Variants in SGCG observed in about 807,000 individuals in gnomAD.
SGCG encodes the protein gamma-sarcoglycan.
In SGCG, 26 loss-of-function variants were observed where a neutral mutation model predicts 29.3. That is an observed-to-expected ratio of 0.89 (90% CI 0.65 to 1.23). The LOEUF is 1.23. Among genes scored for constraint, SGCG ranks in the 50% most tolerant of loss-of-function variants. The pLI, the probability that SGCG is intolerant of heterozygous loss-of-function variation, is 0.00. For synonymous variants in SGCG, 145 were observed against 129.7 expected (o/e 1.12, Z -0.80); for missense variants, 353 against 356.0 (o/e 0.99, Z 0.07).
chr13:23,232,506 C>T (rs922487005), intron 2 of SGCG, among the ~76,000 whole-genome samples: 1 of 152,150 alleles, frequency 6.6e-6, no homozygotes, highest in African/African-American at 2.4e-5. Flanking sequence ...AAGATCAAAG[C>T]TCAACTGGTT....
In SGCG at chr13:23,314,381, G is replaced by GTT. The variant is rs1395675020; in HGVS notation, c.579-6255_579-6254dup. ...TTAAATGAAATGATGTCTGCTATAG[G>GTT]TTATATATATATATATATATATATA... On this transcript the variant is annotated intron_variant, in intron 6 of 7. Coordinates refer to ENST00000218867, the MANE Select transcript of SGCG (RefSeq NM_000231.3). 4.8e-3 allele frequency among the ~76,000 whole-genome samples: 243 copies of GTT among 50,454 alleles called. 3 individuals carry two copies. The highest frequency in any genetic ancestry group is 0.043 in the Middle Eastern group (3 of 70). The allele number at this position is 50,454 out of a possible 152,430, so 33.1% of individuals were successfully genotyped here. A position where few individuals can be genotyped will look rare whatever the true frequency, so the allele number is the denominator to read the frequency against.
At chr13:23,247,955 A>C (rs1299910438) in intron 3 of SGCG, among the ~76,000 whole-genome samples, 58 of 30,048 alleles carry the variant, frequency 1.9e-3, no homozygotes, top group Non-Finnish European at 8.4e-4. Context: ...CCCATCTCTT[A>C]AAAAAAAAAA....
At chr13:23,242,099 A>G (rs55838654) in intron 3 of SGCG, among the ~76,000 whole-genome samples, 21,518 of 152,212 alleles carry the variant, frequency 0.14, 1,816 homozygotes, top group African/African-American at 0.23. Context: ...GGACACTGCT[A>G]TGAATCCCAC....
intron 1 of SGCG, among the ~76,000 whole-genome samples, chr13:23,195,499 T>G (rs1446481262): frequency 6.6e-6 from 1 of 152,118 alleles, no homozygotes. Flanking sequence ...AGGTTTTTGT[T>G]TGTTTGTTTG....
At chr13:23,231,536 G>A (rs766426545) in intron 2 of SGCG, among the ~76,000 whole-genome samples, 2 of 152,128 alleles carry the variant, frequency 1.3e-5, no homozygotes, top group Non-Finnish European at 1.5e-5. Context: ...ATGTTTACTT[G>A]AACCCAGAAA....
intron 6 of SGCG, among the ~76,000 whole-genome samples, chr13:23,310,436 G>A (rs1224328025): frequency 6.6e-6 from 1 of 152,024 alleles, no homozygotes; most frequent in African/African-American, 2.4e-5. Context: ...CCCTTATTTT[G>A]TCTGGTATTA....
intron 2 of SGCG, among the ~76,000 whole-genome samples, chr13:23,219,827 CTTTT>C (rs1184090222): frequency 1.0e-5 from 1 of 99,204 alleles, no homozygotes; most frequent in Non-Finnish European, 2.0e-5. Flanking sequence ...ATTTCTTTTC[CTTTT>C]TTTTTTTTTT....
chr13:23,299,555 C>G lies in SGCG; in HGVS notation c.578+4068C>G, dbSNP rs188303802. On this transcript the variant is annotated intron_variant, in intron 6 of 7. Coordinates refer to ENST00000218867, the MANE Select transcript of SGCG (RefSeq NM_000231.3). ...GCAAGCTCCACCTCCCAGGTTCACA[C>G]CATTCTCCTGCCTCAGCCTCCTGAG... Among the ~76,000 whole-genome samples, 93 of 148,546 alleles carry G rather than the reference C, an allele frequency of 6.3e-4. 1 individual carries two copies. Among genetic ancestry groups the G allele is most frequent in the African/African-American group, 2.3e-3 (92 of 40,352 alleles).
chr13:23,289,267 T>G (rs1024582243), intron 5 of SGCG, among the ~76,000 whole-genome samples: 3 of 152,150 alleles, frequency 2.0e-5, no homozygotes, highest in Admixed American at 1.3e-4. Flanking sequence ...GAGTCCCAAT[T>G]AAAACAGGCT....
At chr13:23,216,337 G>C (rs1878427098) in intron 2 of SGCG, among the ~76,000 whole-genome samples, 1 of 151,818 alleles carries the variant, frequency 6.6e-6, no homozygotes, top group Non-Finnish European at 1.5e-5. Flanking sequence ...TGTATAATTT[G>C]GTACCCAATA....
chr13:23,188,472 C>G (rs1877088883), intron 1 of SGCG, among the ~76,000 whole-genome samples: 1 of 142,922 alleles, frequency 7.0e-6, no homozygotes, highest in Non-Finnish European at 1.5e-5. Context: ...ATTACAGGCG[C>G]CTGCCTAATT....
At chr13:23,218,494 C>G (rs1337017364) in intron 2 of SGCG, among the ~76,000 whole-genome samples, 1 of 152,028 alleles carries the variant, frequency 6.6e-6, no homozygotes, top group Non-Finnish European at 1.5e-5. Context: ...GTAAAATAAA[C>G]TGTAACACTA....
At chr13:23,189,883 C>T (rs78580186) in intron 1 of SGCG, among the ~76,000 whole-genome samples, 2,793 of 152,238 alleles carry the variant, frequency 0.018, 95 homozygotes, top group African/African-American at 0.064. Context: ...CCCCCCTGCC[C>T]GCTCCTTCAG....
intron 6 of SGCG, among the ~76,000 whole-genome samples, chr13:23,306,914 C>G (rs964336134): frequency 3.1e-4 from 47 of 152,292 alleles, no homozygotes; most frequent in Non-Finnish European, 2.1e-4. Flanking sequence ...GGCTCCTGAG[C>G]TATAAAGTGC....
At chr13:23,195,035 T>C (rs1010494903) in intron 1 of SGCG, among the ~76,000 whole-genome samples, 1 of 152,152 alleles carries the variant, frequency 6.6e-6, no homozygotes, top group Non-Finnish European at 1.5e-5. Context: ...AACAATTAGC[T>C]ATGTGAGCAC....
At chr13:23,225,916 T>TC (rs200089705) in intron 2 of SGCG, among the ~76,000 whole-genome samples, 2,542 of 152,258 alleles carry the variant, frequency 0.017, 26 homozygotes, top group South Asian at 0.035. Flanking sequence ...TTAACCTGGT[T>TC]TTCTCCCTTT....
At chr13:23,258,415 T>A (rs1345163974) in intron 4 of SGCG, among the ~76,000 whole-genome samples, 1 of 151,972 alleles carries the variant, frequency 6.6e-6, no homozygotes, top group East Asian at 1.9e-4. Flanking sequence ...GAGACATTGC[T>A]GAAGTTGCTT....
At chr13:23,192,162 G>A (rs1350302225) in intron 1 of SGCG, among the ~76,000 whole-genome samples, 3 of 130,286 alleles carry the variant, frequency 2.3e-5, no homozygotes, top group East Asian at 2.5e-4. Flanking sequence ...GCGACAGAGT[G>A]AGACTGCGTC....
chr13:23,278,443 C>CA (rs35645325), intron 4 of SGCG, among the ~76,000 whole-genome samples: 14,764 of 129,436 alleles, frequency 0.11, 896 homozygotes, highest in Non-Finnish European at 0.14. Flanking sequence ...AACTCTGTCT[C>CA]AAAAAAAAAA....
Sources: allele counts gnomAD v4.1 joint callset (sites outside exome capture counted in the v4.1 genomes callset), GRCh38; gene constraint gnomAD v4.1.1; transcripts MANE v1.5; gene names NCBI Gene and HGNC (gene_info 2026-07-23, HGNC 2026-07-21).